WDPCP: variants seen among roughly 807,000 people sequenced by gnomAD.
WDPCP encodes the protein WD repeat-containing and planar cell polarity effector protein fritz homolog.
In WDPCP, 71 loss-of-function variants were observed where a neutral mutation model predicts 93.1. The ratio of observed to expected loss-of-function variants is 0.76; its 90% confidence interval spans 0.63 to 0.93. WDPCP has a LOEUF of 0.93. Ranked by LOEUF, WDPCP falls within the 40% of genes least tolerant of loss-of-function variation. WDPCP has a pLI of 0.00. For missense variants in WDPCP, 844 were observed against 887.4 expected (o/e 0.95, Z 0.62); for synonymous variants, 315 against 315.0 (o/e 1.00, Z 0.00).
chr2:63,135,759 T>C (rs940846673), intron 17 of WDPCP, among the ~76,000 whole-genome samples: 1 of 152,036 alleles, frequency 6.6e-6, no homozygotes, highest in South Asian at 2.1e-4. Flanking sequence ...TGAGACAGGG[T>C]CTCACTCTGT....
At chr2:63,243,458 C>G (rs1186493830) in intron 14 of WDPCP, among the ~76,000 whole-genome samples, 2 of 151,948 alleles carry the variant, frequency 1.3e-5, no homozygotes, top group Non-Finnish European at 2.9e-5. Flanking sequence ...GTGAACATCT[C>G]CCATTTTGTA....
chr2:63,716,347 C>T lies in WDPCP; in HGVS notation n.309-65509G>A, dbSNP rs114574930. On this transcript the variant is annotated intron_variant and non_coding_transcript_variant, in intron 2 of 4. Coordinates refer to the WDPCP transcript ENST00000467687. ...CCTTAGTGAGGACAAGGATCAAAGT[C>T]ACTATTGCAGTAAGCTCCTCCCTAC... 2.4e-3 allele frequency among the ~76,000 whole-genome samples: 359 copies of T among 152,280 alleles called. 1 individual carries two copies. The highest frequency in any genetic ancestry group is 8.2e-3 in the African/African-American group (342 of 41,560).
In WDPCP at chr2:63,543,327, A is replaced by G. The variant is rs577401122; in HGVS notation, c.75+44870T>C. 7.1e-4 allele frequency among the ~76,000 whole-genome samples: 108 copies of G among 152,210 alleles called. 1 individual carries two copies. The South Asian group carries it at 8.5e-3, about 12-fold the overall frequency. On this transcript the variant is annotated intron_variant, in intron 1 of 17. Coordinates refer to ENST00000272321, the MANE Select transcript of WDPCP (RefSeq NM_015910.7). ...TACTGAAGTACTTAAATTGATCCTG[A>G]TTTTCTGTGATGACCATTGAATGCT...
chr2:63,673,849 C>G (rs1316682867), intron 2 of WDPCP, among the ~76,000 whole-genome samples: 1 of 152,182 alleles, frequency 6.6e-6, no homozygotes, highest in African/African-American at 2.4e-5. Flanking sequence ...TCTGCATCCC[C>G]ATCTGAGGCA....
intron 3 of WDPCP, among the ~76,000 whole-genome samples, chr2:63,644,949 C>G (rs1710031890): frequency 6.6e-6 from 1 of 151,964 alleles, no homozygotes; most frequent in South Asian, 2.1e-4. Context: ...TTTCAAGAAA[C>G]CAACTTTTCC....
At chr2:63,352,619 T>C (rs1689715355) in intron 12 of WDPCP, among the ~76,000 whole-genome samples, 1 of 152,184 alleles carries the variant, frequency 6.6e-6, no homozygotes, top group Non-Finnish European at 1.5e-5. Flanking sequence ...GAAGCCTGAA[T>C]ACAGTTCAAT....
chr2:63,576,784 T>G (rs1056882881), intron 1 of WDPCP, among the ~76,000 whole-genome samples: 4 of 152,122 alleles, frequency 2.6e-5, no homozygotes, highest in Non-Finnish European at 5.9e-5. Context: ...AAAAAACACT[T>G]ATCACTTTAG....
At position 63,221,634 on chromosome 2, in the gene WDPCP, C is replaced by T. The variant is rs1013341008; in HGVS notation, c.1915+37673G>A. ...CATGTATCACAAAAGTAAAGCTTTG[C>T]TGGAGCTTTTTAAAAGATACATAGA... On this transcript the variant is annotated intron_variant, in intron 14 of 17. Transcript: ENST00000272321. Among the ~76,000 whole-genome samples, 8 of 152,222 alleles carry T rather than the reference C, an allele frequency of 5.3e-5. No individual in the cohort carries two copies. In the South Asian group the frequency reaches 1.5e-3, roughly 28 times the overall value.
At chr2:63,203,404 TA>T (rs1217589729) in intron 14 of WDPCP, among the ~76,000 whole-genome samples, 1 of 152,152 alleles carries the variant, frequency 6.6e-6, no homozygotes, top group East Asian at 1.9e-4. Flanking sequence ...TACTATGTCT[TA>T]TTCATTATTT....
chr2:63,670,370 T>C (rs906968780), intron 2 of WDPCP, among the ~76,000 whole-genome samples: 1 of 152,094 alleles, frequency 6.6e-6, no homozygotes, highest in Non-Finnish European at 1.5e-5. Flanking sequence ...CTGCCCACCA[T>C]GGAGAATCTA....
intron 14 of WDPCP, among the ~76,000 whole-genome samples, chr2:63,239,290 T>G (rs1380272120): frequency 6.6e-6 from 1 of 152,234 alleles, no homozygotes; most frequent in African/African-American, 2.4e-5. Context: ...CTCTGCTCAC[T>G]GCAAGCTCCG....
intron 2 of WDPCP, among the ~76,000 whole-genome samples, chr2:63,706,215 G>A (rs1405533783): frequency 6.6e-6 from 1 of 152,164 alleles, no homozygotes; most frequent in East Asian, 1.9e-4. Flanking sequence ...TGGGTTTCCT[G>A]AATACAGCAC....
At chr2:63,647,639 G>A (rs547437316) in intron 3 of WDPCP, among the ~76,000 whole-genome samples, 58 of 152,280 alleles carry the variant, frequency 3.8e-4, no homozygotes, top group Non-Finnish European at 7.6e-4. Context: ...GAAAGTGACT[G>A]CCTATAAAAG....
At chr2:63,225,426 G>C (rs1408127759) in intron 14 of WDPCP, among the ~76,000 whole-genome samples, 1 of 151,854 alleles carries the variant, frequency 6.6e-6, no homozygotes. Context: ...CGTATTGGCA[G>C]TGAGAACATA....
chr2:63,579,666 A>T (rs1462151124), intron 1 of WDPCP, among the ~76,000 whole-genome samples: 1 of 152,118 alleles, frequency 6.6e-6, no homozygotes, highest in Non-Finnish European at 1.5e-5. Flanking sequence ...AGAAAAACAA[A>T]GCCTTTCGTA....
At chr2:63,296,422 A>C (rs1684862211) in intron 13 of WDPCP, among the ~76,000 whole-genome samples, 1 of 152,170 alleles carries the variant, frequency 6.6e-6, no homozygotes, top group South Asian at 2.1e-4. Flanking sequence ...ACTATTCAAC[A>C]TAATACTGGG....
Position 63,588,363 on chromosome 2 carries a change from G to C in WDPCP, c.-92C>G. 6.9e-7 allele frequency: 1 copy of C among 1,443,522 alleles called. No homozygotes were observed. The highest frequency in any genetic ancestry group is 2.0e-5 in the Admixed American group (1 of 50,908). The allele number at this position is 1,443,522 out of a possible 1,614,324, so 89.4% of individuals were successfully genotyped here. ...CTCGCTTGGTCTCTTGGGTCTCCAG[G>C]ACGCCGCCGCCGCCGCCACAGTTTC... is the stretch of plus-strand genomic sequence containing the variant. On this transcript the variant is annotated 5_prime_UTR_variant, in exon 1 of 18. Coordinates refer to ENST00000272321, the MANE Select transcript of WDPCP (RefSeq NM_015910.7).
At chr2:63,273,837 A>C (rs1311503718) in intron 13 of WDPCP, among the ~76,000 whole-genome samples, 1 of 152,004 alleles carries the variant, frequency 6.6e-6, no homozygotes, top group Non-Finnish European at 1.5e-5. Context: ...GCACACACAC[A>C]CACACACACA....
intron 5 of WDPCP, 111 bp downstream of exon 5, chr2:63,484,806 G>A (rs985727556): frequency 9.4e-6 from 14 of 1,493,244 alleles, no homozygotes; most frequent in Non-Finnish European, 1.3e-5. Context: ...CTGGACAAAA[G>A]CAAAGCTATC....
Sources: allele counts gnomAD v4.1 joint callset (sites outside exome capture counted in the v4.1 genomes callset), GRCh38; gene constraint gnomAD v4.1.1; transcripts MANE v1.5; gene names NCBI Gene and HGNC (gene_info 2026-07-23, HGNC 2026-07-21).